The following ARHGAP23 variants were observed in gnomAD, a reference collection of about 807,000 sequenced individuals.
ARHGAP23 encodes the protein rho GTPase-activating protein 23.
A neutral mutation model predicts 136.3 loss-of-function variants in ARHGAP23; 34 were observed. The ratio of observed to expected loss-of-function variants is 0.25; its 90% CI spans 0.19 to 0.33. The LOEUF (loss-of-function observed/expected upper bound fraction) is 0.33, where lower values mean the gene tolerates loss of function less well. Among genes scored for constraint, ARHGAP23 ranks in the 10% least tolerant of loss-of-function variants. The pLI, the probability that ARHGAP23 is intolerant of heterozygous loss-of-function variation, is 1.00. For missense variants in ARHGAP23, 1,808 were observed against 2,139.0 expected (o/e 0.85, Z 3.05); for synonymous variants, 832 against 920.5 (o/e 0.90, Z 1.74).
chr17:38,493,998 A>T (rs765281471), intron 20 of ARHGAP23, among the ~76,000 whole-genome samples: 13 of 149,568 alleles, frequency 8.7e-5, no homozygotes, highest in Admixed American at 6.3e-4. Context: ...TGGGGTCCAG[A>T]TAAGTCTTTC....
At chr17:38,471,063 G>A (rs557770649) in intron 10 of ARHGAP23, among the ~76,000 whole-genome samples, 134 of 147,020 alleles carry the variant, frequency 9.1e-4, no homozygotes, top group African/African-American at 3.3e-3. Flanking sequence ...ACCGATTCTC[G>A]TGCCTCAGCC....
At chr17:38,456,779 TC>T (rs2039335979) in intron 1 of ARHGAP23, among the ~76,000 whole-genome samples, 1 of 152,324 alleles carries the variant, frequency 6.6e-6, no homozygotes, top group East Asian at 1.9e-4. Context: ...GCACTGTTTT[TC>T]TTCTTGCCCC....
At chr17:38,437,328 A>G (rs915705246) in intron 1 of ARHGAP23, among the ~76,000 whole-genome samples, 1 of 151,598 alleles carries the variant, frequency 6.6e-6, no homozygotes, top group Non-Finnish European at 1.5e-5. Context: ...GTCTCCCTAT[A>G]TTGCCTAGGC....
At chr17:38,481,809 C>T (rs1032932949) in intron 14 of ARHGAP23, among the ~76,000 whole-genome samples, 2 of 152,340 alleles carry the variant, frequency 1.3e-5, no homozygotes, top group African/African-American at 2.4e-5. Context: ...ACGAGCCACA[C>T]GGAAGTCCTT....
At chr17:38,509,896 G>A (rs945964989) in intron 23 of ARHGAP23, 48 bp from the exon 24 acceptor site, 3 of 1,232,632 alleles carry the variant, frequency 2.4e-6, no homozygotes, top group Non-Finnish European at 3.1e-6. Flanking sequence ...GGGTCGGCAG[G>A]GGGCCGAGTC....
At position 38,510,556 on chromosome 17, in the gene ARHGAP23, T is replaced by C. The variant is rs2040737551; in HGVS notation, c.4060T>C (p.Ser1354Pro). 1 of 1,213,566 alleles carries C rather than the reference T, an allele frequency of 8.2e-7. No individual in the cohort carries two copies. The highest frequency in any genetic ancestry group is 3.7e-5 in the East Asian group (1 of 27,050). 75.2% of individuals were successfully genotyped at this position (1,213,566 alleles called of 1,614,324 possible). Reference protein sequence around the residue: ...PGSASSSSQESLRPPAAALAS... With the variant: ...PGSASSSSQEPLRPPAAALAS... Reference sequence around the variant, plus strand: ...CTCGGCGTCGTCCAGCAGCCAGGAGTCGCTGCGGCCCCCGGCGGCGGCGCT... The same window carrying C: ...CTCGGCGTCGTCCAGCAGCCAGGAGCCGCTGCGGCCCCCGGCGGCGGCGCT... Residue 1354 changes from serine to proline, a missense_variant, in exon 24 of 24, where the codon TCG (serine) becomes CCG (proline). This residue lies in a region of ARHGAP23 where 506 missense variants were observed against 455.8 expected (regional missense o/e 1.11). Transcript: ENST00000622683. The surrounding 1 kb of genome is among the most constrained non-coding windows in gnomAD (Gnocchi z 4.6).
intron 17 of ARHGAP23, among the ~76,000 whole-genome samples, chr17:38,488,771 A>C (rs1446261207): frequency 6.6e-6 from 1 of 150,408 alleles, no homozygotes; most frequent in Non-Finnish European, 1.5e-5. Flanking sequence ...CTGGTCTTGA[A>C]CTCCTGACCT....
At chr17:38,503,468 C>G (rs1307092408) in intron 23 of ARHGAP23, among the ~76,000 whole-genome samples, 1 of 152,242 alleles carries the variant, frequency 6.6e-6, no homozygotes, top group Non-Finnish European at 1.5e-5. Flanking sequence ...TTCTCGAGAG[C>G]CAGCACTTTG....
chr17:38,462,660 G>A (rs764816393), intron 3 of ARHGAP23, among the ~76,000 whole-genome samples, 186 bp from the exon 4 acceptor site: 5 of 152,226 alleles, frequency 3.3e-5, no homozygotes, highest in Admixed American at 2.0e-4. Flanking sequence ...TCCCAGGTCT[G>A]TGTCCTCCTG....
At chr17:38,459,327 C>T (rs948503280) in intron 2 of ARHGAP23, among the ~76,000 whole-genome samples, 5 of 152,180 alleles carry the variant, frequency 3.3e-5, no homozygotes, top group Non-Finnish European at 7.3e-5. Flanking sequence ...TCTCTGTGTG[C>T]ATATAGTGTC....
At chr17:38,443,834 T>C (rs910115125) in intron 1 of ARHGAP23, among the ~76,000 whole-genome samples, 2 of 152,026 alleles carry the variant, frequency 1.3e-5, no homozygotes, top group African/African-American at 4.8e-5. Flanking sequence ...AGCTCTTGCC[T>C]GAAGGAAACC....
rs7503829 is a variant in ARHGAP23 at position 38,482,014 on chromosome 17, C to G, written c.2630-8C>G. 4 of 1,518,718 alleles carry G rather than the reference C, an allele frequency of 2.6e-6. No homozygotes were observed. The highest frequency in any genetic ancestry group is 1.4e-5 in the African/African-American group (1 of 70,948). The allele number at this position is 1,518,718 out of a possible 1,614,324, so 94.1% of individuals were successfully genotyped here. A position where few individuals can be genotyped will look rare whatever the true frequency, so the allele number is the denominator to read the frequency against. ...CAGCTCACTCTGGCTCTGTCTCCCCCACTTCAGATGACAGTGCTGCAGCCC... is the reference window on the plus strand; with the variant it reads ...CAGCTCACTCTGGCTCTGTCTCCCCGACTTCAGATGACAGTGCTGCAGCCC... On this transcript the variant is annotated splice_region_variant and splice_polypyrimidine_tract_variant and intron_variant, in intron 14 of 23. Coordinates refer to ENST00000622683, the MANE Select transcript of ARHGAP23 (RefSeq NM_001199417.2).
At chr17:38,433,979 A>AT (rs960790872) in intron 1 of ARHGAP23, among the ~76,000 whole-genome samples, 2 of 151,736 alleles carry the variant, frequency 1.3e-5, no homozygotes, top group African/African-American at 4.8e-5. Context: ...CACCTGGCTA[A>AT]TTTTTTTTAT....
At chr17:38,461,532 C>T (rs1157237027) in intron 3 of ARHGAP23, among the ~76,000 whole-genome samples, 1 of 152,218 alleles carries the variant, frequency 6.6e-6, no homozygotes, top group Non-Finnish European at 1.5e-5. Context: ...CGCTGGGCAG[C>T]CATAGGACAC....
intron 1 of ARHGAP23, among the ~76,000 whole-genome samples, chr17:38,423,411 G>A (rs1466549340): frequency 2.0e-5 from 3 of 150,124 alleles, no homozygotes; most frequent in African/African-American, 4.9e-5. Flanking sequence ...TCATTCTATC[G>A]CCCAGGCAAG....
In ARHGAP23 at chr17:38,510,778, G is replaced by T; in HGVS notation, c.4282G>T (p.Gly1428Trp). 1 of 1,498,648 alleles carries T rather than the reference G, an allele frequency of 6.7e-7. No homozygotes were observed. Among genetic ancestry groups the T allele is most frequent in the Middle Eastern group, 2.0e-4 (1 of 5,114 alleles). 92.8% of individuals were successfully genotyped at this position (1,498,648 alleles called of 1,614,324 possible). ...NFNEWKELGG[G>W]GPPEPAGARA... ...CAACGAGTGGAAGGAGCTGGGCGGA[G>T]GGGGCCCCCCGGAGCCTGCGGGCGC... is the stretch of plus-strand genomic sequence containing the variant. Residue 1428 changes from glycine (G) to tryptophan (W), a missense_variant, in exon 24 of 24, where the codon GGG (glycine) becomes TGG (tryptophan). Transcript: ENST00000622683. This position sits in a 1 kb window ranked among gnomAD's most constrained non-coding sequence, Gnocchi z 4.6.
At chr17:38,468,650 C>T (rs2039670695) in intron 7 of ARHGAP23, among the ~76,000 whole-genome samples, 1 of 152,188 alleles carries the variant, frequency 6.6e-6, no homozygotes, top group African/African-American at 2.4e-5. Context: ...CCGGGAGAGG[C>T]AGTCTCTTCT....
At chr17:38,469,051 AG>A (rs1306240339) in intron 7 of ARHGAP23, 92 bp from the exon 8 acceptor site, 1 of 1,344,386 alleles carries the variant, frequency 7.4e-7, no homozygotes, top group Admixed American at 2.4e-5. Flanking sequence ...CTGAGCCTGG[AG>A]GCGAGTGGCA....
intron 1 of ARHGAP23, among the ~76,000 whole-genome samples, chr17:38,457,012 C>A (rs923868273): frequency 6.6e-6 from 1 of 152,138 alleles, no homozygotes; most frequent in African/African-American, 2.4e-5. Flanking sequence ...TGGGTTCAAG[C>A]GATTCTCCTG....
Sources: gnomAD v4.1 joint callset for allele counts (sites outside exome capture counted in the v4.1 genomes callset) on GRCh38, gnomAD v4.1.1 for gene constraint, gnomAD v4.1.1 regional missense constraint, Gnocchi (gnomAD v3.1) non-coding constraint, MANE v1.5 for transcripts, NCBI Gene and HGNC (gene_info 2026-07-23, HGNC 2026-07-21) for gene names.